RABGAP1L: variants seen among roughly 807,000 people sequenced by gnomAD.
RABGAP1L encodes the protein rab GTPase-activating protein 1-like.
In RABGAP1L, 63 loss-of-function variants were observed where a neutral mutation model predicts 137.7. The observed-to-expected ratio is 0.46, with a 90% CI of 0.37 to 0.56. RABGAP1L has a LOEUF of 0.56. RABGAP1L is among the 20% of genes least tolerant of loss of function. The pLI is 0.00. For synonymous variants in RABGAP1L, 431 were observed against 433.7 expected (o/e 0.99, Z 0.08); for missense variants, 1,095 against 1,244.0 (o/e 0.88, Z 1.80).
At chr1:174,654,604 A>T (rs548111961) in intron 14 of RABGAP1L, among the ~76,000 whole-genome samples, 1 of 152,312 alleles carries the variant, frequency 6.6e-6, no homozygotes, top group Non-Finnish European at 1.5e-5. Context: ...TTAGTAGTTT[A>T]CTTGTAATGA....
chr1:174,900,875 C>A (rs145226694), intron 19 of RABGAP1L, among the ~76,000 whole-genome samples: 61 of 152,104 alleles, frequency 4.0e-4, no homozygotes, highest in Middle Eastern at 6.8e-3. Context: ...TGGATGATAT[C>A]CTGAAGGATG....
At chr1:174,489,632 G>C (rs977477119) in intron 13 of RABGAP1L, among the ~76,000 whole-genome samples, 2 of 152,080 alleles carry the variant, frequency 1.3e-5, no homozygotes, top group African/African-American at 4.8e-5. Context: ...GATTCCTCAA[G>C]GATCTAGAAC....
intron 13 of RABGAP1L, among the ~76,000 whole-genome samples, chr1:174,404,951 TC>T (rs1374059160): frequency 6.6e-6 from 1 of 152,218 alleles, no homozygotes; most frequent in Non-Finnish European, 1.5e-5. Flanking sequence ...AGAAAAATTT[TC>T]CCTGCATTTA....
At chr1:174,203,810 T>C (rs556999794) in intron 1 of RABGAP1L, among the ~76,000 whole-genome samples, 3 of 152,304 alleles carry the variant, frequency 2.0e-5, no homozygotes, top group African/African-American at 7.2e-5. Flanking sequence ...ATGTTCTACC[T>C]CGTGGTTGGC....
chr1:174,972,487 T>C (rs1424855363), intron 21 of RABGAP1L, among the ~76,000 whole-genome samples: 2 of 152,202 alleles, frequency 1.3e-5, no homozygotes, highest in Non-Finnish European at 2.9e-5. Context: ...GAACTTTCAG[T>C]ATCAATGAGA....
At chr1:174,830,645 T>G (rs1258598536) in intron 19 of RABGAP1L, among the ~76,000 whole-genome samples, 1 of 147,060 alleles carries the variant, frequency 6.8e-6, no homozygotes, top group African/African-American at 2.5e-5. Context: ...CCTGGCCAAT[T>G]TTTGTATTTT....
intron 13 of RABGAP1L, among the ~76,000 whole-genome samples, chr1:174,612,155 C>T (rs913095377): frequency 1.2e-4 from 18 of 152,238 alleles, no homozygotes; most frequent in African/African-American, 3.6e-4. Context: ...GGAATGCTTC[C>T]AGTTTTTGCC....
intron 19 of RABGAP1L, among the ~76,000 whole-genome samples, chr1:174,923,752 G>A (rs1662192999): frequency 6.6e-6 from 1 of 151,748 alleles, no homozygotes. Context: ...GTGGTGGCAC[G>A]TGCCTGTAAT....
chr1:174,192,791 G>GT (rs1042349765), intron 1 of RABGAP1L, among the ~76,000 whole-genome samples: 2 of 152,226 alleles, frequency 1.3e-5, no homozygotes, highest in Admixed American at 6.5e-5. Flanking sequence ...AAAGGAATAG[G>GT]TTTTTTGCCA....
At chr1:174,204,208 C>T (rs755835811) in intron 1 of RABGAP1L, among the ~76,000 whole-genome samples, 1 of 152,204 alleles carries the variant, frequency 6.6e-6, no homozygotes, top group African/African-American at 2.4e-5. Flanking sequence ...ACCTCAGCCT[C>T]CCAAAGTGCT....
In RABGAP1L at chr1:174,252,484, G is replaced by A; in HGVS notation, c.880G>A (p.Val294Met). Residue 294 changes from valine to methionine, a missense_variant, in exon 7 of 26, where the codon GTG becomes ATG. Val to Met is a conservative substitution (Grantham distance 21). Coordinates refer to ENST00000681986, the MANE Select transcript of RABGAP1L (RefSeq NM_001366446.1). ...TATTCCTTTTGAATATTTCAGCCCT[G>A]TGCCTAAGGATAGAGATAAATTTTA... ...EDDGKGNFSP[V>M]PKDRDKFYFK... The A allele has an allele frequency of 2.5e-6, 4 of 1,611,788 alleles. No individual in the cohort carries two copies. Among genetic ancestry groups the A allele is most frequent in the Non-Finnish European group, 3.4e-6 (4 of 1,179,260 alleles).
chr1:174,248,267 G>A (rs1039237860), intron 5 of RABGAP1L, among the ~76,000 whole-genome samples: 3 of 152,184 alleles, frequency 2.0e-5, no homozygotes, highest in Admixed American at 6.5e-5. Flanking sequence ...AGTACAGGCT[G>A]TATGTTCTCT....
intron 11 of RABGAP1L, chr1:174,367,629 G>T (rs1444765224): frequency 3.7e-6 from 1 of 268,096 alleles, no homozygotes. Flanking sequence ...TGTTTCAGAA[G>T]GCTTGCCTTT....
chr1:174,851,976 C>T (rs929844574), intron 19 of RABGAP1L, among the ~76,000 whole-genome samples: 3 of 152,164 alleles, frequency 2.0e-5, no homozygotes, highest in African/African-American at 7.2e-5. Flanking sequence ...TCTAGAGTTT[C>T]ACTTAAATTA....
intron 13 of RABGAP1L, among the ~76,000 whole-genome samples, chr1:174,435,133 G>T (rs1653106702): frequency 6.6e-6 from 1 of 152,074 alleles, no homozygotes. Context: ...CAGTCCTCCT[G>T]CCTCAGCTTG....
rs923696860 is a variant in RABGAP1L, at chr1:174,429,678, G to A, written c.1710+35533G>A. 7.2e-5 allele frequency among the ~76,000 whole-genome samples: 11 copies of A among 151,870 alleles called. No individual in the cohort carries two copies. The East Asian group carries it at 1.5e-3, about 21-fold the overall frequency. ...CGCCTCAACCCGGGAGGCGGAAGTT[G>A]CAGTGAGCCGAGATTGTGCCATTGC... On this transcript the variant is annotated intron_variant, in intron 13 of 25. Transcript: ENST00000681986.
chr1:174,957,882 T>C, intron 20 of RABGAP1L: 1 of 1,573,412 alleles, frequency 6.4e-7, no homozygotes, highest in East Asian at 2.2e-5. Flanking sequence ...AATATTTCTT[T>C]TCTTTCAGTT....
intron 19 of RABGAP1L, among the ~76,000 whole-genome samples, chr1:174,849,200 C>A (rs562164554): frequency 1.3e-5 from 2 of 151,970 alleles, no homozygotes; most frequent in African/African-American, 4.8e-5. Context: ...GCGTGGCTCA[C>A]GCTGGGAGCT....
intron 14 of RABGAP1L, among the ~76,000 whole-genome samples, chr1:174,659,394 AC>A (rs1431089911): frequency 6.6e-6 from 1 of 152,140 alleles, no homozygotes; most frequent in African/African-American, 2.4e-5. Flanking sequence ...CCATATCATA[AC>A]TCTAATTATT....
Sources: allele counts gnomAD v4.1 joint callset (sites outside exome capture counted in the v4.1 genomes callset), GRCh38; gene constraint gnomAD v4.1.1; transcripts MANE v1.5; gene names NCBI Gene and HGNC (gene_info 2026-07-23, HGNC 2026-07-21).